Variants in PTPRD observed in about 807,000 individuals in gnomAD.
PTPRD encodes protein tyrosine phosphatase receptor type D, also known as receptor-type tyrosine-protein phosphatase delta.
PTPRD carries 34 observed loss-of-function variants against 214.5 expected under a neutral mutation model. The ratio of observed to expected loss-of-function variants is 0.16; its 90% CI spans 0.12 to 0.21. The LOEUF (loss-of-function observed/expected upper bound fraction) is 0.21, where lower values mean the gene tolerates loss of function less well. Ranked by LOEUF, PTPRD falls within the 10% of genes least tolerant of loss-of-function variation. The pLI, the probability that PTPRD is intolerant of heterozygous loss-of-function variation, is 1.00. For synonymous variants in PTPRD, 1,128 were observed against 845.7 expected (o/e 1.33, Z -5.79); for missense variants, 2,545 against 2,398.7 (o/e 1.06, Z -1.27).
At chr9:9,682,206 T>C (rs1389825445) in intron 7 of PTPRD, among the ~76,000 whole-genome samples, 1 of 151,774 alleles carries the variant, frequency 6.6e-6, no homozygotes, top group African/African-American at 2.4e-5. Flanking sequence ...TGCACTAGCT[T>C]GAAGCAACAC....
At chr9:8,949,371 T>C (rs2099089846) in intron 11 of PTPRD, among the ~76,000 whole-genome samples, 2 of 152,152 alleles carry the variant, frequency 1.3e-5, no homozygotes, top group Admixed American at 1.3e-4. Flanking sequence ...TAAAAATAAC[T>C]TCCTTTCACT....
At chr9:9,177,286 G>A (rs1000488617) in intron 10 of PTPRD, among the ~76,000 whole-genome samples, 1 of 151,996 alleles carries the variant, frequency 6.6e-6, no homozygotes, top group Non-Finnish European at 1.5e-5. Context: ...CTGCCCCCAT[G>A]ATTCAATTAC....
At chr9:10,155,351 A>G (rs1189768438) in intron 3 of PTPRD, among the ~76,000 whole-genome samples, 2 of 152,004 alleles carry the variant, frequency 1.3e-5, no homozygotes, top group Non-Finnish European at 2.9e-5. Flanking sequence ...CTTTTGGAAC[A>G]AGACTATAGG....
intron 7 of PTPRD, among the ~76,000 whole-genome samples, chr9:9,606,787 T>C (rs2094183406): frequency 6.6e-6 from 1 of 150,604 alleles, no homozygotes; most frequent in Non-Finnish European, 1.5e-5. Flanking sequence ...GGTGGACAAA[T>C]ACATTTCTTA....
At chr9:10,231,983 A>AGTGT (rs1194347516) in intron 3 of PTPRD, among the ~76,000 whole-genome samples, 24 of 97,222 alleles carry the variant, frequency 2.5e-4, no homozygotes, top group South Asian at 6.8e-4. Flanking sequence ...AGAGAGAGAG[A>AGTGT]GAGAGAGTGT....
chr9:9,519,110 T>C (rs2154252733), intron 8 of PTPRD, among the ~76,000 whole-genome samples: 1 of 152,034 alleles, frequency 6.6e-6, no homozygotes, highest in South Asian at 2.1e-4. Context: ...AACCCATAAC[T>C]TAAAGAATAA....
intron 3 of PTPRD, among the ~76,000 whole-genome samples, chr9:10,231,856 C>T (rs2099611209): frequency 6.6e-6 from 1 of 151,642 alleles, no homozygotes; most frequent in Admixed American, 6.6e-5. Context: ...TGGCAGCACC[C>T]TGTAGAGGTG....
chr9:9,734,316 G>C (rs184961616), intron 7 of PTPRD, among the ~76,000 whole-genome samples: 12 of 152,210 alleles, frequency 7.9e-5, no homozygotes, highest in African/African-American at 2.6e-4. Context: ...AACCCATGAA[G>C]TTGAATCTCC....
intron 10 of PTPRD, among the ~76,000 whole-genome samples, chr9:9,145,709 G>A (rs1435360644): frequency 6.6e-6 from 1 of 152,148 alleles, no homozygotes; most frequent in Admixed American, 6.6e-5. Flanking sequence ...GCTTTGCCCT[G>A]TGTAGAAGCA....
At chr9:10,497,785 T>C (rs1162269888) in intron 2 of PTPRD, among the ~76,000 whole-genome samples, 4 of 152,036 alleles carry the variant, frequency 2.6e-5, no homozygotes, top group Non-Finnish European at 4.4e-5. Context: ...TTTGCTATTA[T>C]GTTTATCTTC....
chr9:8,874,757 A>G (rs1041730486), intron 11 of PTPRD, among the ~76,000 whole-genome samples: 1 of 152,242 alleles, frequency 6.6e-6, no homozygotes, highest in African/African-American at 2.4e-5. Flanking sequence ...AGAGATAATT[A>G]TATTTGTTTC....
chr9:9,073,785 A>G (rs1321812641), intron 10 of PTPRD, among the ~76,000 whole-genome samples: 7 of 151,946 alleles, frequency 4.6e-5, no homozygotes, highest in Non-Finnish European at 8.8e-5. Context: ...TTTCTGAAAA[A>G]CCCTGACTAA....
intron 34 of PTPRD, among the ~76,000 whole-genome samples, chr9:8,449,435 C>T (rs2095853691): frequency 6.6e-6 from 1 of 152,002 alleles, no homozygotes; most frequent in East Asian, 1.9e-4. Flanking sequence ...ATAATAAAAA[C>T]AATAATCAAA....
intron 10 of PTPRD, among the ~76,000 whole-genome samples, chr9:9,182,794 A>C (rs2099928991): frequency 6.6e-6 from 1 of 152,066 alleles, no homozygotes; most frequent in Admixed American, 6.6e-5. Flanking sequence ...TTGTTTAACA[A>C]AGATTAGACT....
At chr9:9,395,468 C>A (rs868034182) in intron 9 of PTPRD, among the ~76,000 whole-genome samples, 27 of 152,220 alleles carry the variant, frequency 1.8e-4, no homozygotes, top group Middle Eastern at 6.8e-3. Context: ...TTCTGATATG[C>A]AACCTGGTTT....
chr9:9,443,742 A>G (rs566843429), intron 8 of PTPRD, among the ~76,000 whole-genome samples: 56 of 152,108 alleles, frequency 3.7e-4, no homozygotes, highest in African/African-American at 1.3e-3. Context: ...TCCAGTTCCC[A>G]ACTGATCTAG....
intron 39 of PTPRD, among the ~76,000 whole-genome samples, chr9:8,370,843 A>C (rs182855836): frequency 6.6e-6 from 1 of 152,214 alleles, no homozygotes; most frequent in East Asian, 1.9e-4. Flanking sequence ...TGGCCTTGCC[A>C]CCACTAGTAG....
intron 8 of PTPRD, among the ~76,000 whole-genome samples, chr9:9,427,771 G>T (rs2081523203): frequency 6.6e-6 from 1 of 152,150 alleles, no homozygotes. Context: ...CATGCTTAAA[G>T]AAAGGAATTT....
chr9:8,441,180 G>T (rs1420978321), intron 34 of PTPRD, among the ~76,000 whole-genome samples: 1 of 152,036 alleles, frequency 6.6e-6, no homozygotes, highest in Non-Finnish European at 1.5e-5. Flanking sequence ...GCTGGCTTTT[G>T]TGTCTCTACT....
Sources: gnomAD v4.1 joint callset for allele counts (sites outside exome capture counted in the v4.1 genomes callset) on GRCh38, gnomAD v4.1.1 for gene constraint, MANE v1.5 for transcripts, NCBI Gene and HGNC (gene_info 2026-07-23, HGNC 2026-07-21) for gene names.